Variants in MAP3K7CL observed in about 807,000 individuals in gnomAD.
The protein encoded by MAP3K7CL is MAP3K7 C-terminal-like protein.
Under a neutral mutation model 18.6 loss-of-function variants are expected in MAP3K7CL, and 16 were observed. The observed-to-expected ratio is 0.86, with a 90% CI of 0.58 to 1.31. The LOEUF is 1.31. Ranked by LOEUF, MAP3K7CL falls within the 50% of genes most tolerant of loss-of-function variation. The pLI is 0.00. For missense variants in MAP3K7CL, 163 were observed against 174.4 expected, an observed-to-expected ratio of 0.93 and a Z score of 0.37; for synonymous variants, 65 against 66.8, an observed-to-expected ratio of 0.97 and a Z score of 0.13.
At chr21:29,084,969 T>A (rs1396518353), upstream of MAP3K7CL, 1 of 152,226 alleles carries the variant, frequency 6.6e-6, no homozygotes, top group African/African-American at 2.4e-5. Flanking sequence ...GCACAGTGAC[T>A]TATCTCAAGA....
At chr21:29,124,353 C>CAAAAAAAAAAAAAAAAAAAAA in intron 4 of MAP3K7CL, among the ~76,000 whole-genome samples, 1 of 78,608 alleles carries the variant, frequency 1.3e-5, no homozygotes, top group Non-Finnish European at 2.4e-5. Flanking sequence ...GACTCCGTCT[C>CAAAAAAAAAAAAAAAAAAAAA]AAAAAAAAAA....
chr21:29,156,539 A>G (rs535725105), intron 3 of MAP3K7CL, among the ~76,000 whole-genome samples: 1 of 152,330 alleles, frequency 6.6e-6, no homozygotes, highest in South Asian at 2.1e-4. Context: ...GTGTTTGATT[A>G]ATACTGTTGG....
chr21:29,117,503 C>G (rs1568944947), intron 4 of MAP3K7CL, among the ~76,000 whole-genome samples: 1 of 152,226 alleles, frequency 6.6e-6, no homozygotes, highest in Non-Finnish European at 1.5e-5. Flanking sequence ...TTGTATTGGA[C>G]AACTCCTGTG....
At chr21:29,110,849 C>T (rs1568941340) in intron 4 of MAP3K7CL, among the ~76,000 whole-genome samples, 2 of 152,100 alleles carry the variant, frequency 1.3e-5, no homozygotes, top group Admixed American at 6.5e-5. Flanking sequence ...CTATTCTATT[C>T]GTATTTCATG....
At position 29,175,817 on chromosome 21, in the gene MAP3K7CL, A is replaced by G. The variant is rs909028787; in HGVS notation, c.*925A>G. The G allele has an allele frequency of 9.2e-5, 14 of 152,318 alleles. No individual in the cohort carries two copies. The highest frequency in any genetic ancestry group is 3.4e-4 in the African/African-American group (14 of 41,578). The allele number at this position is 152,318 out of a possible 1,614,324, so 9.4% of individuals were successfully genotyped here. The stretch of plus-strand genomic sequence containing the variant: ...TCTACCTATCACCACATTTTCTCAA[A>G]TTGAACTCTTTGTTATATGTCCATT... On this transcript the variant is annotated 3_prime_UTR_variant, in exon 5 of 5. Transcript: ENST00000399928.
chr21:29,152,263 C>T (rs2087294483), intron 3 of MAP3K7CL, among the ~76,000 whole-genome samples: 1 of 152,208 alleles, frequency 6.6e-6, no homozygotes. Flanking sequence ...TAGAAGATGA[C>T]ATCTAAAAGC....
chr21:29,164,921 G>A (rs2065273), intron 4 of MAP3K7CL, among the ~76,000 whole-genome samples: 56,329 of 151,948 alleles, frequency 0.37, 12,673 homozygotes, highest in Non-Finnish European at 0.5. Context: ...ATACAGTAAC[G>A]TGGAATGTAT....
At chr21:29,103,734 C>CAAAA (rs113442821) in intron 4 of MAP3K7CL, among the ~76,000 whole-genome samples, 1 of 130,232 alleles carries the variant, frequency 7.7e-6, no homozygotes. Flanking sequence ...GACTTTGTCT[C>CAAAA]AAAAAAAAAA....
intron 2 of MAP3K7CL, among the ~76,000 whole-genome samples, chr21:29,145,393 C>T (rs546617306): frequency 5.5e-4 from 84 of 152,208 alleles, no homozygotes; most frequent in Admixed American, 3.4e-3. Flanking sequence ...AACTCCGATC[C>T]GGTATCACTG....
chr21:29,102,561 CCCT>C (rs1207094945), intron 4 of MAP3K7CL: 1 of 150,814 alleles, frequency 6.6e-6, no homozygotes, highest in East Asian at 1.9e-4. Flanking sequence ...AAGAGATCCT[CCCT>C]CCTCCGCCTC....
intron 4 of MAP3K7CL, among the ~76,000 whole-genome samples, chr21:29,168,961 G>A (rs1356033847): frequency 6.6e-6 from 1 of 152,178 alleles, no homozygotes; most frequent in Non-Finnish European, 1.5e-5. Flanking sequence ...TTCTTGTCAG[G>A]TTGATTGATA....
intron 2 of MAP3K7CL, among the ~76,000 whole-genome samples, chr21:29,145,941 T>C (rs561025664): frequency 1.3e-5 from 2 of 152,172 alleles, no homozygotes; most frequent in South Asian, 2.1e-4. Context: ...TGGTCACATA[T>C]GTGTGAGGTG....
chr21:29,115,137 C>G (rs754977260), intron 4 of MAP3K7CL, among the ~76,000 whole-genome samples: 5 of 152,192 alleles, frequency 3.3e-5, no homozygotes, highest in Non-Finnish European at 5.9e-5. Flanking sequence ...GTGGCCTCAT[C>G]ATGCCGGGCT....
Position 29,174,679 on chromosome 21 carries a change from T to C in MAP3K7CL, c.249-33T>C, listed in dbSNP as rs948930194. ...TTTAATTTGCTTGCATTGAATTCTG[T>C]GCTTCTTCCTGCCCTTTACCCCGAA... On this transcript the variant is annotated intron_variant, in intron 4 of 4. Coordinates refer to ENST00000399928, the MANE Select transcript of MAP3K7CL (RefSeq NM_001286620.2). 1.9e-6 allele frequency: 3 copies of C among 1,609,780 alleles called. No homozygotes were observed. The African/African-American group carries it at 4.0e-5, about 22-fold the overall frequency.
chr21:29,169,277 ATAT>A (rs2087766441), intron 4 of MAP3K7CL, among the ~76,000 whole-genome samples: 1 of 152,130 alleles, frequency 6.6e-6, no homozygotes, highest in African/African-American at 2.4e-5. Flanking sequence ...TTCCCAATAG[ATAT>A]TAGTACATTT....
intron 1 of MAP3K7CL, among the ~76,000 whole-genome samples, chr21:29,087,760 A>AT (rs1203310690): frequency 6.6e-6 from 1 of 151,666 alleles, no homozygotes; most frequent in African/African-American, 2.4e-5. Context: ...CGACCGGCTA[A>AT]TTTTTTGTAT....
intron 4 of MAP3K7CL, among the ~76,000 whole-genome samples, chr21:29,094,422 C>T (rs2086084649): frequency 6.6e-6 from 1 of 152,160 alleles, no homozygotes; most frequent in East Asian, 1.9e-4. Flanking sequence ...TAGGGTGGGG[C>T]CTAAGTATTT....
chr21:29,158,210 T>C (rs2087453950), intron 3 of MAP3K7CL, among the ~76,000 whole-genome samples: 1 of 152,154 alleles, frequency 6.6e-6, no homozygotes, highest in South Asian at 2.1e-4. Context: ...CAGGTGAAAA[T>C]TGATGAGTGG....
chr21:29,101,389 C>T (rs1432274082), intron 4 of MAP3K7CL, among the ~76,000 whole-genome samples: 2 of 152,146 alleles, frequency 1.3e-5, no homozygotes, highest in African/African-American at 2.4e-5. Flanking sequence ...TGTTCTCAGC[C>T]TGGTCTTGTT....
Sources: gnomAD v4.1 joint callset for allele counts (sites outside exome capture counted in the v4.1 genomes callset) on GRCh38, gnomAD v4.1.1 for gene constraint, MANE v1.5 for transcripts, NCBI Gene and HGNC (gene_info 2026-07-23, HGNC 2026-07-21) for gene names.